PRDM11: variants seen among roughly 807,000 people sequenced by gnomAD.
The protein encoded by PRDM11 is PR domain-containing protein 11.
PRDM11 carries 20 observed loss-of-function variants against 97.8 expected under a neutral mutation model. The ratio of observed to expected loss-of-function variants is 0.20; its 90% CI spans 0.14 to 0.30. The LOEUF is 0.30. Ranked by LOEUF, PRDM11 falls within the 10% of genes least tolerant of loss-of-function variation. The pLI is 1.00. For missense variants in PRDM11, 1,139 were observed against 1,555.2 expected (o/e 0.73, Z 4.50); for synonymous variants, 599 against 637.7 (o/e 0.94, Z 0.91).
intron 1 of PRDM11, among the ~76,000 whole-genome samples, chr11:45,177,780 C>T (rs1245283606): frequency 3.3e-5 from 5 of 152,154 alleles, no homozygotes; most frequent in African/African-American, 1.2e-4. Flanking sequence ...TATGCTTTGG[C>T]TGCCAGGAGG....
At chr11:45,181,149 G>A (rs1852482403) in intron 1 of PRDM11, among the ~76,000 whole-genome samples, 2 of 152,186 alleles carry the variant, frequency 1.3e-5, no homozygotes, top group African/African-American at 2.4e-5. Flanking sequence ...GCTGAAGCCC[G>A]GCGCGGTGGT....
chr11:45,202,908 C>T (rs1410985673), intron 4 of PRDM11, among the ~76,000 whole-genome samples: 2 of 152,136 alleles, frequency 1.3e-5, no homozygotes, highest in Non-Finnish European at 2.9e-5. Context: ...TAGGCTCACC[C>T]TCAGGGCATC....
At chr11:45,113,464 GT>G (rs1417813645) in intron 1 of PRDM11, among the ~76,000 whole-genome samples, 1 of 152,060 alleles carries the variant, frequency 6.6e-6, no homozygotes, top group Non-Finnish European at 1.5e-5. Context: ...TTTTAGGATT[GT>G]TTTTTCTAGT....
At chr11:45,121,919 G>A (rs557947036) in intron 1 of PRDM11, among the ~76,000 whole-genome samples, 139 of 152,268 alleles carry the variant, frequency 9.1e-4, no homozygotes, top group Admixed American at 2.1e-3. Context: ...TCTAAAGGCT[G>A]TGGTTACAGA....
chr11:45,168,259 A>G (rs1330173752), intron 1 of PRDM11, among the ~76,000 whole-genome samples: 1 of 152,116 alleles, frequency 6.6e-6, no homozygotes, highest in Non-Finnish European at 1.5e-5. Context: ...TGGACTCCTT[A>G]TGCCCCTGCA....
intron 5 of PRDM11, among the ~76,000 whole-genome samples, chr11:45,209,889 CG>C (rs1853657748): frequency 6.6e-6 from 1 of 152,182 alleles, no homozygotes; most frequent in Admixed American, 6.5e-5. Context: ...AGAAGTCCAG[CG>C]GACTAGGATG....
rs185845785 is a variant in PRDM11, at chr11:45,217,130, A to G, written c.555-2440A>G. On this transcript the variant is annotated intron_variant, in intron 5 of 7. Coordinates refer to ENST00000683152, the MANE Select transcript of PRDM11 (RefSeq NM_001384648.1). ...TTCTGTGCTAACCGCAAGGTTGATT[A>G]TTTTTGGATGTCAAATCCTAGACTC... Among the ~76,000 whole-genome samples, 5 of 152,334 alleles carry G rather than the reference A, an allele frequency of 3.3e-5. No individual in the cohort carries two copies. In the East Asian group the frequency reaches 7.7e-4, roughly 24 times the overall value.
intron 1 of PRDM11, among the ~76,000 whole-genome samples, chr11:45,101,567 A>AAAAAAAAAGAAGAAGAAGAAG (rs767802218): frequency 3.1e-5 from 3 of 96,834 alleles, no homozygotes; most frequent in African/African-American, 4.9e-5. Flanking sequence ...AAAAAAAAAA[A>AAAAAAAAAGAAGAAGAAGAAG]AAGAAGAAGA....
intron 1 of PRDM11, among the ~76,000 whole-genome samples, chr11:45,151,328 G>A (rs1327223956): frequency 4.6e-5 from 7 of 152,324 alleles, no homozygotes; most frequent in Admixed American, 1.3e-4. Flanking sequence ...AAAACAAGCC[G>A]TGCAGAAAGA....
chr11:45,098,551 C>T (rs1315239273), intron 1 of PRDM11, among the ~76,000 whole-genome samples: 1 of 152,134 alleles, frequency 6.6e-6, no homozygotes, highest in Non-Finnish European at 1.5e-5. Context: ...GTGACTTGCC[C>T]AGGCTCGCAC....
At chr11:45,217,008 T>A (rs1332593704) in intron 5 of PRDM11, among the ~76,000 whole-genome samples, 1 of 152,248 alleles carries the variant, frequency 6.6e-6, no homozygotes, top group Non-Finnish European at 1.5e-5. Context: ...TATTCTCCAA[T>A]CATAGTGCTA....
chr11:45,110,292 G>T (rs925917168), intron 1 of PRDM11, among the ~76,000 whole-genome samples: 1 of 151,622 alleles, frequency 6.6e-6, no homozygotes, highest in Non-Finnish European at 1.5e-5. Context: ...AAAAATGAGA[G>T]CCCTGAGTAC....
At chr11:45,205,872 G>A (rs763204309) in intron 5 of PRDM11, among the ~76,000 whole-genome samples, 13 of 152,166 alleles carry the variant, frequency 8.5e-5, no homozygotes, top group South Asian at 2.1e-4. Flanking sequence ...TTACTTTAGC[G>A]TTCGCCCTCT....
chr11:45,095,735 G>A (rs911436860), upstream of PRDM11: 2 of 689,128 alleles, frequency 2.9e-6, no homozygotes, highest in African/African-American at 3.6e-5. Flanking sequence ...GCTCTGGAAT[G>A]CAGATTATGA....
chr11:45,185,371 C>A (rs1326759779), intron 4 of PRDM11, among the ~76,000 whole-genome samples: 1 of 152,154 alleles, frequency 6.6e-6, no homozygotes, highest in Non-Finnish European at 1.5e-5. Flanking sequence ...TCTGCAGAAA[C>A]CCTGCTGGAG....
At chr11:45,115,044 A>G (rs1018134704) in intron 1 of PRDM11, among the ~76,000 whole-genome samples, 3 of 152,152 alleles carry the variant, frequency 2.0e-5, no homozygotes, top group African/African-American at 7.2e-5. Flanking sequence ...GTAAATCGTT[A>G]TAAAGGAAAA....
intron 4 of PRDM11, among the ~76,000 whole-genome samples, chr11:45,193,968 G>A (rs182683281): frequency 3.3e-5 from 5 of 152,306 alleles, no homozygotes; most frequent in Admixed American, 2.0e-4. Context: ...GGCTCCCTGG[G>A]GGAGCTTTTC....
intron 5 of PRDM11, chr11:45,212,940 A>G (rs1218536912): frequency 1.0e-5 from 4 of 399,142 alleles, no homozygotes. Flanking sequence ...TCCACTCCCC[A>G]GGCCACCCAG....
chr11:45,232,075 G>A lies in PRDM11; in HGVS notation c.*3916G>A, dbSNP rs1051486508. On this transcript the variant is annotated 3_prime_UTR_variant, in exon 8 of 8. Coordinates refer to ENST00000683152, the MANE Select transcript of PRDM11 (RefSeq NM_001384648.1). ...TTTGCTGAGGTGGTCCTCCCCTTGA[G>A]TTGCTTATGCCAACCCTTTAATTTA... is the stretch of plus-strand genomic sequence containing the variant. The A allele has an allele frequency of 6.6e-6, 1 of 152,200 alleles. No homozygotes were observed. Among genetic ancestry groups the A allele is most frequent in the Non-Finnish European group, 1.5e-5 (1 of 68,048 alleles). The allele number at this position is 152,200 out of a possible 1,614,324, so 9.4% of individuals were successfully genotyped here.
Sources: gnomAD v4.1 joint callset for allele counts (sites outside exome capture counted in the v4.1 genomes callset) on GRCh38, gnomAD v4.1.1 for gene constraint, MANE v1.5 for transcripts, NCBI Gene and HGNC (gene_info 2026-07-23, HGNC 2026-07-21) for gene names.